The following GABRR3 variants were observed in gnomAD, a reference collection of about 807,000 sequenced individuals.
GABRR3 encodes the protein gamma-aminobutyric acid type A receptor subunit rho3.
Under a neutral mutation model 43.2 loss-of-function variants are expected in GABRR3, and 29 were observed. The ratio of observed to expected loss-of-function variants is 0.67; its 90% CI spans 0.50 to 0.92. The LOEUF is 0.92. Ranked by LOEUF, GABRR3 falls within the 40% of genes least tolerant of loss-of-function variation. GABRR3 has a pLI of 0.00. For missense variants in GABRR3, 576 were observed against 572.3 expected, an observed-to-expected ratio of 1.01 and a Z score of -0.07; for synonymous variants, 206 against 195.9, an observed-to-expected ratio of 1.05 and a Z score of -0.43.
chr3:98,013,221 G>T (rs1226979221), intron 4 of GABRR3, among the ~76,000 whole-genome samples: 1 of 152,194 alleles, frequency 6.6e-6, no homozygotes, highest in Non-Finnish European at 1.5e-5. Flanking sequence ...TTTCCCAGAA[G>T]CTAGTTCTCA....
chr3:98,015,395 C>T (rs936567062), intron 4 of GABRR3, among the ~76,000 whole-genome samples: 1 of 152,190 alleles, frequency 6.6e-6, no homozygotes, highest in Non-Finnish European at 1.5e-5. Context: ...AGGGTTTCCT[C>T]ATGTTGGCCA....
At chr3:98,032,092 G>GTATAGTATAGTATAT in intron 2 of GABRR3, among the ~76,000 whole-genome samples, 1 of 151,608 alleles carries the variant, frequency 6.6e-6, no homozygotes, top group East Asian at 1.9e-4. Context: ...GTATAGTATA[G>GTATAGTATAGTATAT]TATAGTATAG....
At chr3:97,992,859 G>A in exon 9 of GABRR3, 2 of 1,606,238 alleles carry the variant, frequency 1.2e-6, no homozygotes, top group Non-Finnish European at 1.7e-6. Context: ...TACCTTTCCT[G>A]TCTTCTTGAA....
intron 4 of GABRR3, 21 bp from the exon 5 acceptor site, chr3:98,012,588 AC>A: frequency 6.6e-7 from 1 of 1,518,216 alleles, no homozygotes; most frequent in Non-Finnish European, 9.0e-7. Context: ...AGAAAAAGAG[AC>A]CAAAAAAACC....
intron 3 of GABRR3, among the ~76,000 whole-genome samples, chr3:98,021,430 T>C (rs1212744973): frequency 1.3e-5 from 2 of 152,180 alleles, no homozygotes; most frequent in Non-Finnish European, 2.9e-5. Context: ...CCTGAGTTAG[T>C]ACCAAACTTC....
At chr3:98,019,016 A>G (rs542513540) in intron 3 of GABRR3, among the ~76,000 whole-genome samples, 320 of 152,174 alleles carry the variant, frequency 2.1e-3, no homozygotes, top group African/African-American at 7.3e-3. Context: ...AGACTGACGC[A>G]TGAGAATTGC....
At chr3:98,035,075 A>AG in intron 1 of GABRR3, 86 bp from the exon 2 acceptor site, 1 of 1,476,958 alleles carries the variant, frequency 6.8e-7, no homozygotes, top group Non-Finnish European at 9.1e-7. Context: ...CTTTTAAAAA[A>AG]CAAACAGCAT....
intron 2 of GABRR3, among the ~76,000 whole-genome samples, chr3:98,033,633 G>A (rs1707118455): frequency 6.6e-6 from 1 of 152,064 alleles, no homozygotes; most frequent in Non-Finnish European, 1.5e-5. Flanking sequence ...ATTTTAAGCA[G>A]TGTCCTTTGA....
At chr3:97,999,136 C>G (rs1019699464) in intron 8 of GABRR3, 3 of 152,086 alleles carry the variant, frequency 2.0e-5, no homozygotes, top group Admixed American at 1.3e-4. Context: ...TCCCTGCTAA[C>G]CCATTAAAGT....
intron 9 of GABRR3, 28 bp from the exon 10 acceptor site, chr3:97,987,010 G>A (rs761474951): frequency 7.7e-6 from 11 of 1,422,502 alleles, no homozygotes; most frequent in Non-Finnish European, 3.8e-6. Context: ...TTTAAAGTAG[G>A]TCTTGAATAT....
At chr3:98,012,513 A>C in exon 5 of GABRR3, 1 of 1,614,034 alleles carries the variant, frequency 6.2e-7, no homozygotes, top group African/African-American at 1.3e-5. Flanking sequence ...GTGCTAGGAA[A>C]GGAGAGCCTC....
chr3:98,030,985 C>A (rs2107253026), intron 2 of GABRR3, among the ~76,000 whole-genome samples: 1 of 152,298 alleles, frequency 6.6e-6, no homozygotes, highest in South Asian at 2.1e-4. Context: ...CTTCATAATT[C>A]TTGATCCAAT....
At chr3:98,021,560 C>T (rs1244472808) in intron 3 of GABRR3, among the ~76,000 whole-genome samples, 1 of 152,156 alleles carries the variant, frequency 6.6e-6, no homozygotes, top group African/African-American at 2.4e-5. Flanking sequence ...TAACCCCATT[C>T]AGATGTATTA....
chr3:97,990,335 A>G (rs569453749), intron 9 of GABRR3, among the ~76,000 whole-genome samples: 141 of 151,936 alleles, frequency 9.3e-4, no homozygotes, highest in Non-Finnish European at 1.5e-3. Flanking sequence ...TTGGTTTGCC[A>G]TCAAGACTTC....
chr3:98,001,831 A>C, intron 7 of GABRR3, 64 bp from the exon 8 acceptor site: 16 of 1,566,690 alleles, frequency 1.0e-5, no homozygotes, highest in Non-Finnish European at 1.4e-5. Flanking sequence ...GCACTTAGTG[A>C]AATGACCTGC....
chr3:97,987,022 GT>G (rs779888127), intron 9 of GABRR3, 40 bp from the exon 10 acceptor site: 3 of 1,316,918 alleles, frequency 2.3e-6, no homozygotes, highest in Non-Finnish European at 3.1e-6. Context: ...CTTGAATATG[GT>G]TTTACAAATA....
At chr3:98,025,640 T>G (rs1405379891) in exon 3 of GABRR3, 1 of 1,612,986 alleles carries the variant, frequency 6.2e-7, no homozygotes, top group East Asian at 2.2e-5. Flanking sequence ...GAGGCCGCGC[T>G]TTGGTACTGT....
At chr3:97,992,139 G>A (rs1054655705) in intron 9 of GABRR3, among the ~76,000 whole-genome samples, 1 of 152,112 alleles carries the variant, frequency 6.6e-6, no homozygotes, top group Non-Finnish European at 1.5e-5. Context: ...ATTAAACAAT[G>A]TCACAAAAAA....
chr3:98,018,696 G>A (rs1466581408), intron 3 of GABRR3, among the ~76,000 whole-genome samples: 4 of 152,092 alleles, frequency 2.6e-5, no homozygotes, highest in Non-Finnish European at 5.9e-5. Context: ...TTCCATATAA[G>A]CCATTCTCGA....
Sources: gnomAD v4.1 joint callset for allele counts (sites outside exome capture counted in the v4.1 genomes callset) on GRCh38, gnomAD v4.1.1 for gene constraint, MANE v1.5 for transcripts, NCBI Gene and HGNC (gene_info 2026-07-23, HGNC 2026-07-21) for gene names.